WWOX: variants seen among roughly 807,000 people sequenced by gnomAD.
WWOX encodes WW domain-containing oxidoreductase.
Under a neutral mutation model 46.2 loss-of-function variants are expected in WWOX, and 69 were observed. That is an observed-to-expected ratio of 1.49 (90% CI 1.23 to 1.82). The LOEUF is 1.82. WWOX is among the 40% of genes most tolerant of loss of function. The pLI is 0.00. For synonymous variants in WWOX, 359 were observed against 202.6 expected, an observed-to-expected ratio of 1.77 and a Z score of -6.56; for missense variants, 919 against 542.6, an observed-to-expected ratio of 1.69 and a Z score of -6.89.
Position 78,150,349 on chromosome 16 carries a change from C to T in WWOX, c.410-13834C>T, listed in dbSNP as rs998750735. On this transcript the variant is annotated intron_variant, in intron 4 of 8. Coordinates refer to ENST00000566780, the MANE Select transcript of WWOX (RefSeq NM_016373.4). Reference sequence around the variant, plus strand: ...CCACATGCTCAGCAATCTGGAAGCTCTCCAAACCCTATCGTTTAGGTTTTT... The same window carrying T: ...CCACATGCTCAGCAATCTGGAAGCTTTCCAAACCCTATCGTTTAGGTTTTT... Among the ~76,000 whole-genome samples the T allele has an allele frequency of 2.0e-5, 3 of 152,260 alleles. No homozygotes were observed. In the East Asian group the frequency reaches 5.8e-4, roughly 29 times the overall value.
At chr16:78,153,412 A>G (rs1215308537) in intron 4 of WWOX, among the ~76,000 whole-genome samples, 1 of 152,198 alleles carries the variant, frequency 6.6e-6, no homozygotes, top group Non-Finnish European at 1.5e-5. Context: ...CCTTAAAGAT[A>G]GTAGTCTGTT....
At chr16:78,945,623 A>AC (rs1311221773) in intron 8 of WWOX, among the ~76,000 whole-genome samples, 1 of 150,344 alleles carries the variant, frequency 6.7e-6, no homozygotes, top group African/African-American at 2.5e-5. Context: ...GCTTGATCTG[A>AC]CTACTGGTTT....
chr16:78,486,291 A>T (rs986389216), intron 8 of WWOX, among the ~76,000 whole-genome samples: 1 of 152,314 alleles, frequency 6.6e-6, no homozygotes, highest in East Asian at 1.9e-4. Flanking sequence ...TATGTAAAGT[A>T]TTTGCACTAT....
intron 8 of WWOX, among the ~76,000 whole-genome samples, chr16:78,941,210 T>C (rs1177375906): frequency 1.3e-5 from 2 of 152,156 alleles, no homozygotes; most frequent in Non-Finnish European, 2.9e-5. Context: ...AAATCTATCA[T>C]GTAGTGGAGA....
intron 4 of WWOX, among the ~76,000 whole-genome samples, chr16:78,139,061 T>G (rs570570795): frequency 6.6e-6 from 1 of 152,254 alleles, no homozygotes; most frequent in Admixed American, 6.5e-5. Flanking sequence ...ATTACGTTCA[T>G]TTAGGGGTGG....
Position 78,327,498 on chromosome 16 carries a change from A to G in WWOX, c.517-59362A>G, listed in dbSNP as rs76894088. 1.4e-3 allele frequency among the ~76,000 whole-genome samples: 208 copies of G among 152,252 alleles called. 1 individual carries two copies. Among genetic ancestry groups the G allele is most frequent in the African/African-American group, 4.8e-3 (201 of 41,532 alleles). On this transcript the variant is annotated intron_variant, in intron 5 of 8. Coordinates refer to ENST00000566780, the MANE Select transcript of WWOX (RefSeq NM_016373.4). Reference sequence around the variant, plus strand: ...AAGGCTTCTGTGAGAATGAAGCTCTATCATGCTTGTAGAACATGGAGCGCT... The same window carrying G: ...AAGGCTTCTGTGAGAATGAAGCTCTGTCATGCTTGTAGAACATGGAGCGCT...
In WWOX at chr16:79,173,977, C is replaced by A. The variant is rs78945609; in HGVS notation, c.1057-37631C>A. 1.8e-3 allele frequency among the ~76,000 whole-genome samples: 275 copies of A among 152,260 alleles called. 6 individuals are homozygous for A. The East Asian group carries it at 0.036, about 20-fold the overall frequency. Reference sequence around the variant, plus strand: ...ATTTGAAAATGTCTAACTTAAAATGCCTCCCTAGTGAAATCTGTGGCAGCT... The same window carrying A: ...ATTTGAAAATGTCTAACTTAAAATGACTCCCTAGTGAAATCTGTGGCAGCT... On this transcript the variant is annotated intron_variant, in intron 8 of 8. Transcript: ENST00000566780.
rs202032946 is a variant in WWOX at position 79,072,227 on chromosome 16, AG to A, written c.1057-139380del. 2.8e-4 allele frequency among the ~76,000 whole-genome samples: 42 copies of A among 152,312 alleles called. No individual in the cohort carries two copies. In the East Asian group the frequency reaches 6.8e-3, roughly 25 times the overall value. ...CTTGAGCCTAGGGGGTTGAGGCTGC[AG>A]TGAGCTATGATCATACCACTGCAAT... On this transcript the variant is annotated intron_variant, in intron 8 of 8. Coordinates refer to ENST00000566780, the MANE Select transcript of WWOX (RefSeq NM_016373.4).
intron 5 of WWOX, among the ~76,000 whole-genome samples, chr16:78,187,658 G>C (rs528562427): frequency 5.5e-4 from 83 of 152,178 alleles, no homozygotes; most frequent in Non-Finnish European, 9.0e-4. Context: ...TCTTTGAAGG[G>C]TTACAGAAAC....
chr16:78,999,175 A>T (rs1404811582), intron 8 of WWOX, among the ~76,000 whole-genome samples: 2 of 151,556 alleles, frequency 1.3e-5, no homozygotes, highest in African/African-American at 2.4e-5. Context: ...GATTCTTCTA[A>T]GGATGGCTGC....
chr16:78,402,083 G>A (rs1298779647), intron 6 of WWOX, among the ~76,000 whole-genome samples: 1 of 152,178 alleles, frequency 6.6e-6, no homozygotes, highest in East Asian at 1.9e-4. Flanking sequence ...TTGAATTGCA[G>A]AACAATTTCA....
At chr16:78,916,641 A>G (rs565561392) in intron 8 of WWOX, among the ~76,000 whole-genome samples, 42 of 152,328 alleles carry the variant, frequency 2.8e-4, no homozygotes, top group African/African-American at 8.9e-4. Context: ...GCAAAGATGA[A>G]TGGTCATTCT....
intron 8 of WWOX, among the ~76,000 whole-genome samples, chr16:78,622,829 G>C (rs1298212226): frequency 6.6e-6 from 1 of 152,158 alleles, no homozygotes; most frequent in South Asian, 2.1e-4. Context: ...TAATGAGCAG[G>C]GGGATCCTCC....
intron 8 of WWOX, among the ~76,000 whole-genome samples, chr16:79,156,789 C>G (rs1446696960): frequency 7.1e-6 from 1 of 140,444 alleles, no homozygotes; most frequent in African/African-American, 2.9e-5. Flanking sequence ...GCATAATTAC[C>G]TGAAATTGAA....
At chr16:78,333,429 A>C (rs1470981814) in intron 5 of WWOX, among the ~76,000 whole-genome samples, 3 of 152,134 alleles carry the variant, frequency 2.0e-5, no homozygotes, top group Non-Finnish European at 2.9e-5. Context: ...CAACCATTAT[A>C]ATCATGGTAT....
chr16:78,348,170 C>T lies in WWOX; in HGVS notation c.517-38690C>T, dbSNP rs1223849981. Among the ~76,000 whole-genome samples the T allele has an allele frequency of 3.3e-5, 4 of 121,962 alleles. 2 individuals carry two copies. The highest frequency in any genetic ancestry group is 7.9e-5 in the Non-Finnish European group (4 of 50,900). 80.0% of individuals were successfully genotyped at this position (121,962 alleles called of 152,430 possible). The stretch of plus-strand genomic sequence containing the variant: ...AGGTCTAGAGTCAACATGAAAATAC[C>T]TTTGCTTCTGGGCCATAGCTGTGTT... On this transcript the variant is annotated intron_variant, in intron 5 of 8. Coordinates refer to ENST00000566780, the MANE Select transcript of WWOX (RefSeq NM_016373.4).
chr16:78,998,012 G>C (rs951387977), intron 8 of WWOX, among the ~76,000 whole-genome samples: 4 of 152,082 alleles, frequency 2.6e-5, no homozygotes, highest in African/African-American at 7.2e-5. Context: ...GAGTAGCTGG[G>C]ATTACAGGCA....
chr16:78,166,410 A>G (rs571815480), intron 5 of WWOX, among the ~76,000 whole-genome samples: 1 of 152,184 alleles, frequency 6.6e-6, no homozygotes, highest in Non-Finnish European at 1.5e-5. Flanking sequence ...GGCCTAAACT[A>G]TGCTGCTGTG....
chr16:78,747,064 A>C (rs560989326), intron 8 of WWOX, among the ~76,000 whole-genome samples: 8 of 152,132 alleles, frequency 5.3e-5, no homozygotes, highest in African/African-American at 1.7e-4. Context: ...ATGTCCTCCC[A>C]ATATCCTGCA....
Sources: gnomAD v4.1 joint callset for allele counts (sites outside exome capture counted in the v4.1 genomes callset) on GRCh38, gnomAD v4.1.1 for gene constraint, MANE v1.5 for transcripts, NCBI Gene and HGNC (gene_info 2026-07-23, HGNC 2026-07-21) for gene names.